Variants in ESYT3 observed in about 807,000 individuals in gnomAD.
ESYT3 encodes extended synaptotagmin-3.
A neutral mutation model predicts 111.5 loss-of-function variants in ESYT3; 101 were observed. The observed-to-expected ratio is 0.91, with a 90% CI of 0.77 to 1.07. The LOEUF (loss-of-function observed/expected upper bound fraction) is 1.07. ESYT3 is among the 50% of genes least tolerant of loss of function. The pLI is 0.00. For missense variants in ESYT3, 1,097 were observed against 1,109.4 expected (o/e 0.99, Z 0.16); for synonymous variants, 416 against 446.8 (o/e 0.93, Z 0.87).
chr3:138,480,663 A>G (rs180752987), downstream of ESYT3: 32 of 152,362 alleles, frequency 2.1e-4, no homozygotes, highest in Admixed American at 1.5e-3. Context: ...TGTTAAACCT[A>G]AAATGGAGAG....
At chr3:138,457,734 C>A in intron 4 of ESYT3, 90 bp downstream of exon 4, 1 of 1,257,388 alleles carries the variant, frequency 8.0e-7, no homozygotes, top group Non-Finnish European at 1.2e-6. Flanking sequence ...TATATATACT[C>A]TGACTTGGGA....
At chr3:138,447,187 G>C (rs1465151328) in intron 1 of ESYT3, among the ~76,000 whole-genome samples, 1 of 152,150 alleles carries the variant, frequency 6.6e-6, no homozygotes, top group Non-Finnish European at 1.5e-5. Flanking sequence ...AGCAGGCAAA[G>C]ACTAAGCAAG....
intron 19 of ESYT3, 137 bp downstream of exon 19, chr3:138,473,771 G>A (rs2033357463): frequency 1.3e-6 from 1 of 761,418 alleles, no homozygotes; most frequent in Non-Finnish European, 2.1e-6. Context: ...GAGATTTGAA[G>A]GCCTGAACAC....
At chr3:138,476,746 C>T in intron 22 of ESYT3, 72 bp from the exon 23 acceptor site, 1 of 1,472,806 alleles carries the variant, frequency 6.8e-7, no homozygotes. Context: ...GCAGGCAGGA[C>T]TAGGCAGTTT....
intron 11 of ESYT3, 118 bp from the exon 12 acceptor site, chr3:138,467,987 A>G (rs1253900247): frequency 1.2e-6 from 1 of 836,374 alleles, no homozygotes; most frequent in Non-Finnish European, 1.9e-6. Context: ...CTTTTCCCAT[A>G]CTAGGACAGG....
In ESYT3 at chr3:138,473,596, T is replaced by G. The variant is rs1349835301; in HGVS notation, c.2298T>G (p.Cys766Trp). ...TTCAGCTCACAGTGCGCTATGTGTG[T>G]CTGCGGCGCTGCCTCAGCGTGCTAA... ...GEIQLTVRYV[C>W]LRRCLSVLIN... Residue 766 changes from cysteine (C) to tryptophan (W), a missense_variant, in exon 19 of 23, where the codon TGT becomes TGG. Coordinates refer to ENST00000389567, the MANE Select transcript of ESYT3 (RefSeq NM_031913.5). The G allele has an allele frequency of 1.8e-5, 29 of 1,613,776 alleles. No homozygotes were observed. Among genetic ancestry groups the G allele is most frequent in the Non-Finnish European group, 1.9e-5 (23 of 1,179,856 alleles).
At chr3:138,480,253 G>A (rs2033662419), downstream of ESYT3, 1 of 152,048 alleles carries the variant, frequency 6.6e-6, no homozygotes, top group Admixed American at 6.6e-5. Context: ...TTTATAAGAG[G>A]TTCACATGAA....
At chr3:138,442,119 G>GTT (rs36057523) in intron 1 of ESYT3, among the ~76,000 whole-genome samples, 2 of 146,614 alleles carry the variant, frequency 1.4e-5, no homozygotes, top group Admixed American at 6.8e-5. Flanking sequence ...CTAAAAATGT[G>GTT]TTTTTTTTTT....
At chr3:138,456,821 C>T (rs982632175) in intron 3 of ESYT3, among the ~76,000 whole-genome samples, 4 of 152,198 alleles carry the variant, frequency 2.6e-5, no homozygotes, top group East Asian at 3.9e-4. Flanking sequence ...GATTGGGGAC[C>T]GTTGGTCTAT....
rs1225947853 is a variant in ESYT3 at position 138,440,948 on chromosome 3, G to A, written c.327+5823G>A. On this transcript the variant is annotated intron_variant, in intron 1 of 22. Transcript: ENST00000389567. This position sits in a 1 kb window ranked among gnomAD's most constrained non-coding sequence, Gnocchi z 4.2. Reference sequence around the variant, plus strand: ...CCTTGAGGAACCCATGAGCTAGATGGAGATTCAGACCTGCAAGGGCAGCCT... The same window carrying A: ...CCTTGAGGAACCCATGAGCTAGATGAAGATTCAGACCTGCAAGGGCAGCCT... Among the ~76,000 whole-genome samples, 1 of 152,230 alleles carries A rather than the reference G, an allele frequency of 6.6e-6. No homozygotes were observed. Among genetic ancestry groups the A allele is most frequent in the Non-Finnish European group, 1.5e-5 (1 of 68,032 alleles).
chr3:138,480,560 C>G (rs1267744067), downstream of ESYT3: 1 of 152,180 alleles, frequency 6.6e-6, no homozygotes, highest in Non-Finnish European at 1.5e-5. Context: ...AACTGTAGTT[C>G]TGTTCCCTAA....
At chr3:138,441,209 A>C (rs1325927139) in intron 1 of ESYT3, among the ~76,000 whole-genome samples, 6 of 152,192 alleles carry the variant, frequency 3.9e-5, no homozygotes, top group African/African-American at 1.4e-4. Context: ...CTGGGACAGC[A>C]ATGTATAATA....
Position 138,474,343 on chromosome 3 carries a change from T to C in ESYT3, c.2459T>C (p.Phe820Ser), listed in dbSNP as rs753822960. The C allele has an allele frequency of 1.3e-5, 20 of 1,595,366 alleles. No homozygotes were observed. The highest frequency in any genetic ancestry group is 1.7e-5 in the Non-Finnish European group (20 of 1,175,066). Residue 820 changes from phenylalanine (F) to serine (S), a missense_variant, in exon 20 of 23, where the codon TTT (phenylalanine) becomes TCT (serine). Transcript: ENST00000389567. ...AAGCGGAAGACCTTGGAACCCCTGT[T>C]TGATGAGACGTAAGTGGGCTGGTGG... ...SVKRKTLEPLFDETFEFFVPM... is the reference protein window; with the variant it reads ...SVKRKTLEPLSDETFEFFVPM...
intron 17 of ESYT3, among the ~76,000 whole-genome samples, chr3:138,472,027 C>A (rs939195801): frequency 6.6e-6 from 1 of 152,194 alleles, no homozygotes; most frequent in African/African-American, 2.4e-5. Flanking sequence ...CAGCTCCTAG[C>A]CTCACAGCCT....
intron 12 of ESYT3, 108 bp downstream of exon 12, chr3:138,468,302 C>A: frequency 9.8e-7 from 1 of 1,021,664 alleles, no homozygotes; most frequent in Non-Finnish European, 1.5e-6. Flanking sequence ...TCTTGCTCAC[C>A]TCCTGAAGAA....
intron 14 of ESYT3, 52 bp downstream of exon 14, chr3:138,468,933 T>C (rs1163674869): frequency 1.9e-6 from 3 of 1,577,986 alleles, no homozygotes; most frequent in South Asian, 2.2e-5. Flanking sequence ...ACAGCTTCTC[T>C]CCCCAGAGTA....
intron 22 of ESYT3, 53 bp downstream of exon 22, chr3:138,476,545 T>C: frequency 6.3e-7 from 1 of 1,579,544 alleles, no homozygotes; most frequent in Non-Finnish European, 8.7e-7. Flanking sequence ...AAGACAGTTT[T>C]CCCTTTTCAG....
At chr3:138,453,312 G>A (rs1030695195) in intron 2 of ESYT3, among the ~76,000 whole-genome samples, 1 of 152,150 alleles carries the variant, frequency 6.6e-6, no homozygotes, top group African/African-American at 2.4e-5. Flanking sequence ...TGGGATATGA[G>A]GCTCCCACCT....
intron 3 of ESYT3, among the ~76,000 whole-genome samples, chr3:138,457,226 GT>G (rs2108611170): frequency 6.6e-6 from 1 of 152,318 alleles, no homozygotes; most frequent in Non-Finnish European, 1.5e-5. Flanking sequence ...GCTCCACCCT[GT>G]GCTGTGGGGC....
Sources: gnomAD v4.1 joint callset for allele counts (sites outside exome capture counted in the v4.1 genomes callset) on GRCh38, gnomAD v4.1.1 for gene constraint, Gnocchi (gnomAD v3.1) non-coding constraint, MANE v1.5 for transcripts, NCBI Gene and HGNC (gene_info 2026-07-23, HGNC 2026-07-21) for gene names.